VPS41: variants seen among roughly 807,000 people sequenced by gnomAD.
VPS41 encodes vacuolar protein sorting-associated protein 41 homolog.
VPS41 carries 85 observed loss-of-function variants against 130.9 expected under a neutral mutation model. The ratio of observed to expected loss-of-function variants is 0.65; its 90% CI spans 0.55 to 0.78. VPS41 has a LOEUF of 0.78. Ranked by LOEUF, VPS41 falls within the 30% of genes least tolerant of loss-of-function variation. VPS41 has a pLI of 0.00. For missense variants in VPS41, 874 were observed against 1,018.7 expected (o/e 0.86, Z 1.93); for synonymous variants, 335 against 332.9 (o/e 1.01, Z -0.07).
intron 7 of VPS41, among the ~76,000 whole-genome samples, chr7:38,798,461 T>C (rs977225027): frequency 6.6e-6 from 1 of 151,944 alleles, no homozygotes; most frequent in Non-Finnish European, 1.5e-5. Flanking sequence ...TCTGGCTAAT[T>C]TTTGTACTTT....
chr7:38,743,610 C>T (rs1487084771), intron 23 of VPS41, 68 bp from the exon 24 acceptor site: 2 of 1,550,054 alleles, frequency 1.3e-6, no homozygotes, highest in East Asian at 2.3e-5. Flanking sequence ...AAAGAAATTG[C>T]ATATCTCTTA....
chr7:38,768,844 C>T (rs867813705), intron 14 of VPS41, among the ~76,000 whole-genome samples: 1 of 152,046 alleles, frequency 6.6e-6, no homozygotes, highest in Non-Finnish European at 1.5e-5. Context: ...TCTATTTTAC[C>T]TCTTTTCCCT....
At chr7:38,841,883 C>T (rs540525000) in intron 4 of VPS41, among the ~76,000 whole-genome samples, 4 of 152,336 alleles carry the variant, frequency 2.6e-5, no homozygotes, top group Admixed American at 2.0e-4. Context: ...GGATTACAGG[C>T]GTGAGCCACT....
intron 7 of VPS41, among the ~76,000 whole-genome samples, chr7:38,809,714 C>G (rs115985202): frequency 6.6e-6 from 1 of 152,096 alleles, no homozygotes; most frequent in Non-Finnish European, 1.5e-5. Context: ...CTTGCCCCTG[C>G]GGCCAGGTCC....
At chr7:38,786,752 C>T (rs544281056) in intron 10 of VPS41, among the ~76,000 whole-genome samples, 1 of 152,180 alleles carries the variant, frequency 6.6e-6, no homozygotes, top group South Asian at 2.1e-4. Context: ...AGTAAAAACA[C>T]CTTGAAGAAT....
intron 3 of VPS41, among the ~76,000 whole-genome samples, chr7:38,867,177 T>C (rs1160826721): frequency 1.3e-5 from 2 of 152,130 alleles, no homozygotes; most frequent in African/African-American, 2.4e-5. Context: ...TTCCAATATA[T>C]AGTATGCATC....
chr7:38,754,652 T>C, intron 21 of VPS41, 50 bp downstream of exon 21: 1 of 1,483,314 alleles, frequency 6.7e-7, no homozygotes, highest in Non-Finnish European at 9.4e-7. Flanking sequence ...GAAAGGTGAT[T>C]CACCCACTGG....
chr7:38,849,107 A>G (rs1785791490), intron 4 of VPS41, among the ~76,000 whole-genome samples: 1 of 152,200 alleles, frequency 6.6e-6, no homozygotes, highest in South Asian at 2.1e-4. Flanking sequence ...AAACTTTAGA[A>G]GGACATACAA....
At chr7:38,909,006 C>A in intron 1 of VPS41, 148 bp downstream of exon 1, 1 of 995,744 alleles carries the variant, frequency 1.0e-6, no homozygotes, top group Non-Finnish European at 1.6e-6. Flanking sequence ...CCGAAACCAA[C>A]TTTCGCCATC....
At chr7:38,755,942 G>C (rs545699933) in intron 19 of VPS41, among the ~76,000 whole-genome samples, 1 of 152,218 alleles carries the variant, frequency 6.6e-6, no homozygotes, top group Admixed American at 6.5e-5. Context: ...AGTCCCTAAA[G>C]ACTTGACTCA....
At chr7:38,886,766 T>C (rs148424868) in intron 2 of VPS41, among the ~76,000 whole-genome samples, 2,833 of 152,108 alleles carry the variant, frequency 0.019, 95 homozygotes, top group African/African-American at 0.064. Flanking sequence ...CACCTTCCAG[T>C]AGGGGCCAAC....
At chr7:38,758,608 T>G in intron 17 of VPS41, 127 bp from the exon 18 acceptor site, 6 of 932,124 alleles carry the variant, frequency 6.4e-6, no homozygotes, top group East Asian at 2.6e-5. Context: ...TTAGAATCTC[T>G]AAAATGATGT....
At chr7:38,812,732 G>T (rs1247885486) in intron 7 of VPS41, among the ~76,000 whole-genome samples, 2 of 152,054 alleles carry the variant, frequency 1.3e-5, no homozygotes, top group African/African-American at 4.8e-5. Context: ...CGAAGAATCT[G>T]AATAAACATT....
chr7:38,838,785 T>C (rs1250887595), intron 4 of VPS41, among the ~76,000 whole-genome samples: 2 of 152,220 alleles, frequency 1.3e-5, no homozygotes, highest in Non-Finnish European at 2.9e-5. Flanking sequence ...TGTAAGATGC[T>C]TGAAATAAAT....
chr7:38,816,844 C>T (rs1014949831), intron 7 of VPS41, among the ~76,000 whole-genome samples: 1 of 152,170 alleles, frequency 6.6e-6, no homozygotes. Flanking sequence ...CTCCTAGGTT[C>T]AAGTGATCCT....
At chr7:38,869,304 G>C (rs1183432549) in intron 2 of VPS41, 51 bp from the exon 3 acceptor site, 1 of 1,358,072 alleles carries the variant, frequency 7.4e-7, no homozygotes, top group South Asian at 1.2e-5. Flanking sequence ...TATTTGTTTT[G>C]AAAACCTCAA....
chr7:38,900,562 C>T (rs765704816), intron 1 of VPS41, among the ~76,000 whole-genome samples: 1 of 152,148 alleles, frequency 6.6e-6, no homozygotes, highest in Non-Finnish European at 1.5e-5. Flanking sequence ...AAACAGAAGT[C>T]TCCAACCAGC....
At chr7:38,822,498 A>G (rs1010817336) in intron 5 of VPS41, among the ~76,000 whole-genome samples, 4 of 152,248 alleles carry the variant, frequency 2.6e-5, no homozygotes, top group African/African-American at 9.6e-5. Context: ...ACTGTTGGAT[A>G]TAGTAGAGGT....
At chr7:38,824,908 G>A (rs1785241365) in intron 5 of VPS41, among the ~76,000 whole-genome samples, 1 of 152,230 alleles carries the variant, frequency 6.6e-6, no homozygotes, top group Admixed American at 6.5e-5. Flanking sequence ...TGACAGATCA[G>A]TAAATGTGTG....
Sources: allele counts gnomAD v4.1 joint callset (sites outside exome capture counted in the v4.1 genomes callset), GRCh38; gene constraint gnomAD v4.1.1; transcripts MANE v1.5; gene names NCBI Gene and HGNC (gene_info 2026-07-23, HGNC 2026-07-21).